Variants in ZNF142 observed in about 807,000 individuals in gnomAD.
ZNF142 encodes zinc finger protein 142 (clone pHZ-49).
Under a neutral mutation model 132.1 loss-of-function variants are expected in ZNF142, and 96 were observed. That is an observed-to-expected ratio of 0.73 (90% confidence interval 0.62 to 0.86). The LOEUF is 0.86. Ranked by LOEUF, ZNF142 falls within the 40% of genes least tolerant of loss-of-function variation. The pLI, the probability that ZNF142 is intolerant of heterozygous loss-of-function variation, is 0.00. For missense variants in ZNF142, 2,163 were observed against 2,336.2 expected, an observed-to-expected ratio of 0.93 and a Z score of 1.53; for synonymous variants, 842 against 890.1, an observed-to-expected ratio of 0.95 and a Z score of 0.96.
intron 3 of ZNF142, among the ~76,000 whole-genome samples, chr2:218,657,083 G>T (rs1191952691): frequency 6.6e-6 from 1 of 152,132 alleles, no homozygotes; most frequent in Non-Finnish European, 1.5e-5. Flanking sequence ...CTCCCAAAGT[G>T]CTGGGATTAT....
intron 3 of ZNF142, 86 bp from the exon 4 acceptor site, chr2:218,656,549 AC>A: frequency 2.0e-6 from 2 of 986,216 alleles, no homozygotes; most frequent in Non-Finnish European, 2.7e-6. Flanking sequence ...CCCAGTGCCC[AC>A]CCACTTAGGC....
In ZNF142 at chr2:218,649,036, T is replaced by C; in HGVS notation, c.1472A>G (p.Glu491Gly). The C allele has an allele frequency of 6.2e-7, 1 of 1,613,260 alleles. No homozygotes were observed. Among genetic ancestry groups the C allele is most frequent in the South Asian group, 1.1e-5 (1 of 91,090 alleles). ...GTCGGGTGCTGCATAGCTGCAGCCC[T>C]CCTGAAAGCAGCGAAGGGGTAATGG... is the stretch of plus-strand genomic sequence containing the variant. ...AEPLPLRCFQ[E>G]GCSYAAPDRK... Residue 491 changes from glutamate (E) to glycine (G), a missense_variant, in exon 7 of 11, where the codon GAG (glutamate) becomes GGG (glycine). Transcript: ENST00000411696.
Position 218,643,819 on chromosome 2 carries a change from C to G in ZNF142, c.3297G>C (p.Leu1099Phe). 1.2e-6 allele frequency: 2 copies of G among 1,612,776 alleles called. No homozygotes were observed. Among genetic ancestry groups the G allele is most frequent in the Non-Finnish European group, 1.7e-6 (2 of 1,179,190 alleles). Residue 1099 changes from leucine to phenylalanine, a missense_variant, in exon 9 of 11, where the codon TTG becomes TTC. This residue lies in a region of ZNF142 where 809 missense variants were observed against 801.7 expected (regional missense o/e 1.01). Transcript: ENST00000411696. ...CPVLLRKNKG[L>F]PRPDSPIPLQ... ...GAGGGATGGGTGAATCTGGTCTGGG[C>G]AAGCCCTTGTTCTTTCTGAGTAGAA... is the stretch of plus-strand genomic sequence containing the variant.
Position 218,633,965 on chromosome 2 carries a change from A to G in ZNF142, c.*4374T>C. ...GGCAGGAAAGCTGGTCTGGATGGAC[A>G]GAGTAGAGAGGCACAGTGAAACTTT... On this transcript the variant is annotated 3_prime_UTR_variant, in exon 11 of 11. Coordinates refer to ENST00000411696, the MANE Select transcript of ZNF142 (RefSeq NM_001379659.1). The G allele has an allele frequency of 3.1e-6, 4 of 1,271,584 alleles. No homozygotes were observed. The highest frequency in any genetic ancestry group is 4.4e-6 in the Non-Finnish European group (4 of 919,034). The allele number at this position is 1,271,584 out of a possible 1,614,324, so 78.8% of individuals were successfully genotyped here.
chr2:218,656,578 T>C (rs1938526855), intron 3 of ZNF142, 115 bp from the exon 4 acceptor site: 1 of 562,438 alleles, frequency 1.8e-6, no homozygotes, highest in Non-Finnish European at 2.8e-6. Flanking sequence ...TGCATGGCAA[T>C]ATGCCATATA....
rs899573380 is a variant in ZNF142, at chr2:218,643,264, T to C, written c.3852A>G (p.Thr1284=). Residue 1284 remains threonine (T), a synonymous_variant, in exon 9 of 11, where the codon ACA becomes ACG. Coordinates refer to ENST00000411696, the MANE Select transcript of ZNF142 (RefSeq NM_001379659.1). ...GDSAPPKNGS[T]ESSSGDGDTV... ...TATCCCCATCACCAGAGCTGGACTCTGTACTCCCATTCTTCGGGGGAGCAG... is the reference window on the plus strand; with the variant it reads ...TATCCCCATCACCAGAGCTGGACTCCGTACTCCCATTCTTCGGGGGAGCAG... 4 of 1,614,118 alleles carry C rather than the reference T, an allele frequency of 2.5e-6. No homozygotes were observed. The highest frequency in any genetic ancestry group is 3.4e-6 in the Non-Finnish European group (4 of 1,180,052).
Position 218,633,422 on chromosome 2 carries a change from T to C in ZNF142, c.*4917A>G. On this transcript the variant is annotated 3_prime_UTR_variant, in exon 11 of 11. Coordinates refer to ENST00000411696, the MANE Select transcript of ZNF142 (RefSeq NM_001379659.1). Reference sequence around the variant, plus strand: ...CCCGCTGTTTTGTCCGTCTATCTGTTGTCAGATTGTGGCCCAGGCTCCTAT... The same window carrying C: ...CCCGCTGTTTTGTCCGTCTATCTGTCGTCAGATTGTGGCCCAGGCTCCTAT... 1.3e-6 allele frequency: 1 copy of C among 747,362 alleles called. No individual in the cohort carries two copies. The highest frequency in any genetic ancestry group is 2.7e-5 in the East Asian group (1 of 37,482). The allele number at this position is 747,362 out of a possible 1,614,324, so 46.3% of individuals were successfully genotyped here. A position where few individuals can be genotyped will look rare whatever the true frequency, so the allele number is the denominator to read the frequency against.
rs1320502836 is a variant in ZNF142 at position 218,649,245 on chromosome 2, G to C, written c.1263C>G (p.Cys421Trp). ...CCACCGCACTGTAGTGGCACAGTGG[G>C]CAGTGGTGGGCCTTTTCACCCAGCT... The part of the protein sequence containing the change: ...LRELGEKAHH[C>W]PLCHYSAVER... The change falls in exon 7 of 11, where the codon TGC (cysteine) becomes TGG (tryptophan). Residue 421 changes from cysteine (C) to tryptophan (W), a missense_variant. Transcript: ENST00000411696. 6.2e-7 allele frequency: 1 copy of C among 1,614,238 alleles called. No homozygotes were observed. Among genetic ancestry groups the C allele is most frequent in the Non-Finnish European group, 8.5e-7 (1 of 1,180,034 alleles).
Position 218,649,059 on chromosome 2 carries a change from T to C in ZNF142, c.1449A>G (p.Pro483=), listed in dbSNP as rs4674322. 369,350 of 1,613,548 alleles carry C rather than the reference T, an allele frequency of 0.23. 47,347 individuals are homozygous for C. Among genetic ancestry groups the C allele is most frequent in the Non-Finnish European group, 0.26 (311,967 of 1,179,978 alleles). ...CCTCCTGAAAGCAGCGAAGGGGTAA[T>C]GGCTCTGCTGCGGCTGCTGCCGTGT... ...KSHTAAAAAE[P]LPLRCFQEGC... is the part of the protein sequence containing the mutation. Residue 483 remains proline (P), a synonymous_variant, in exon 7 of 11, where the codon CCA becomes CCG. Transcript: ENST00000411696.
In ZNF142 at chr2:218,633,399, C is replaced by T. The variant is rs186247112; in HGVS notation, c.*4940G>A. 6.4e-3 allele frequency: 4,565 copies of T among 716,992 alleles called. 16 individuals are homozygous for T. The highest frequency in any genetic ancestry group is 0.01 in the Middle Eastern group (45 of 4,410). The allele number at this position is 716,992 out of a possible 1,614,324, so 44.4% of individuals were successfully genotyped here. A position where few individuals can be genotyped will look rare whatever the true frequency, so the allele number is the denominator to read the frequency against. The stretch of plus-strand genomic sequence containing the variant: ...TCCCACCCCCAGGTTGTGACGTGCC[C>T]GCTGTTTTGTCCGTCTATCTGTTGT... On this transcript the variant is annotated 3_prime_UTR_variant, in exon 11 of 11. Transcript: ENST00000411696.
rs745931090 is a variant in ZNF142 at position 218,642,572 on chromosome 2, G to T, written c.4544C>A (p.Pro1515His). The T allele has an allele frequency of 6.2e-7, 1 of 1,613,494 alleles. No homozygotes were observed. The highest frequency in any genetic ancestry group is 1.3e-5 in the African/African-American group (1 of 75,036). ...GGTCTCTGCAGGAGAGCCAGGGGCA[G>T]GCTGTGCAGGCTCGGGGTGTCGGCG... ...ALRRHPEPAQ[P>H]APGSPAETTE... The change falls in exon 9 of 11, where the codon CCT becomes CAT. Residue 1515 changes from proline to histidine, a missense_variant. This residue lies in a region of ZNF142 where 809 missense variants were observed against 801.7 expected (regional missense o/e 1.01). Transcript: ENST00000411696. This position sits in a 1 kb window ranked among gnomAD's most constrained non-coding sequence, Gnocchi z 4.6.
rs1696808958 is a variant in ZNF142 at position 218,637,086 on chromosome 2, G to A, written c.*1253C>T. On this transcript the variant is annotated 3_prime_UTR_variant, in exon 11 of 11. Coordinates refer to ENST00000411696, the MANE Select transcript of ZNF142 (RefSeq NM_001379659.1). Reference sequence around the variant, plus strand: ...AGACTTGACCCCAGGACTGTACTACGACTCTTAAGAGAACACTGCACAGCA... The same window carrying A: ...AGACTTGACCCCAGGACTGTACTACAACTCTTAAGAGAACACTGCACAGCA... 5.5e-6 allele frequency: 2 copies of A among 366,686 alleles called. No individual in the cohort carries two copies. Among genetic ancestry groups the A allele is most frequent in the South Asian group, 2.1e-5 (1 of 47,342 alleles). 22.7% of individuals were successfully genotyped at this position (366,686 alleles called of 1,614,324 possible).
chr2:218,651,850 C>A lies in ZNF142; in HGVS notation c.731G>T (p.Arg244Leu). Residue 244 changes from arginine to leucine, a missense_variant, in exon 5 of 11, where the codon CGG (arginine) becomes CTG (leucine). Coordinates refer to ENST00000411696, the MANE Select transcript of ZNF142 (RefSeq NM_001379659.1). ...FGSQQGMELH[R>L]QAHYPFHCSH... ...GCAGTGGAAAGGGTAATGCGCCTGCCGGTGCAGCTCCATGCCCTGCTGGCT... is the reference window on the plus strand; with the variant it reads ...GCAGTGGAAAGGGTAATGCGCCTGCAGGTGCAGCTCCATGCCCTGCTGGCT... The A allele has an allele frequency of 7.8e-7, 1 of 1,289,900 alleles. No individual in the cohort carries two copies. The highest frequency in any genetic ancestry group is 1.0e-6 in the Non-Finnish European group (1 of 988,894). The allele number at this position is 1,289,900 out of a possible 1,614,324, so 79.9% of individuals were successfully genotyped here. A position where few individuals can be genotyped will look rare whatever the true frequency, so the allele number is the denominator to read the frequency against.
At chr2:218,658,268 G>A (rs1938783992) in intron 3 of ZNF142, among the ~76,000 whole-genome samples, 1 of 152,290 alleles carries the variant, frequency 6.6e-6, no homozygotes, top group African/African-American at 2.4e-5. Context: ...GGCCGGGCGC[G>A]GTGGCTCAGG....
Position 218,643,785 on chromosome 2 carries a change from C to A in ZNF142, c.3331G>T (p.Val1111Leu). 6.2e-7 allele frequency: 1 copy of A among 1,611,186 alleles called. No individual in the cohort carries two copies. Among genetic ancestry groups the A allele is most frequent in the Non-Finnish European group, 8.5e-7 (1 of 1,178,472 alleles). The change falls in exon 9 of 11, where the codon GTG (valine) becomes TTG (leucine). Residue 1111 changes from valine (V) to leucine (L), a missense_variant. Physicochemically the swap from Val to Leu is conservative, Grantham distance 32. Around this residue, in one of 7 missense-constraint regions of ZNF142, gnomAD observed 809 missense variants for 801.7 expected, o/e 1.01. Transcript: ENST00000411696. ...TCTGAGGCCTGGGTACCTGGGAGCA[C>A]AGGTTGCAGAGGGATGGGTGAATCT... Reference protein sequence around the residue: ...RPDSPIPLQPVLPGTQASEDT... With the variant: ...RPDSPIPLQPLLPGTQASEDT...
At position 218,636,910 on chromosome 2, in the gene ZNF142, T is replaced by C. The variant is rs921137575; in HGVS notation, c.*1429A>G. ...ACTAATCTTTCCCATCAACTCTGTG[T>C]GAAGGCAGGTTGCAACTAGAAATTC... On this transcript the variant is annotated 3_prime_UTR_variant, in exon 11 of 11. Coordinates refer to ENST00000411696, the MANE Select transcript of ZNF142 (RefSeq NM_001379659.1). The C allele has an allele frequency of 2.1e-6, 1 of 467,800 alleles. No individual in the cohort carries two copies. The highest frequency in any genetic ancestry group is 6.7e-5 in the East Asian group (1 of 15,026). 29.0% of individuals were successfully genotyped at this position (467,800 alleles called of 1,614,324 possible).
rs1464787533 is a variant in ZNF142 at position 218,643,391 on chromosome 2, G to A, written c.3725C>T (p.Thr1242Ile). 6.2e-7 allele frequency: 1 copy of A among 1,614,206 alleles called. No individual in the cohort carries two copies. Reference sequence around the variant, plus strand: ...CCTGCAGCCTTCAGCCACGTGAGAGGTAATAGAGGAGAGCCGGGAACAAAG... The same window carrying A: ...CCTGCAGCCTTCAGCCACGTGAGAGATAATAGAGGAGAGCCGGGAACAAAG... ...PFLCSRLSSI[T>I]SHVAEGCRGG... Residue 1242 changes from threonine (T) to isoleucine (I), a missense_variant, in exon 9 of 11, where the codon ACC becomes ATC. By Grantham distance (89) the Thr-to-Ile change is moderately conservative. This residue lies in a region of ZNF142 where 809 missense variants were observed against 801.7 expected (regional missense o/e 1.01). Coordinates refer to ENST00000411696, the MANE Select transcript of ZNF142 (RefSeq NM_001379659.1).
intron 6 of ZNF142, 148 bp from the exon 7 acceptor site, chr2:218,649,607 A>G (rs1219125777): frequency 1.3e-6 from 1 of 790,218 alleles, no homozygotes; most frequent in Non-Finnish European, 1.9e-6. Context: ...TGTAGTCTCA[A>G]AAAAGGGTGA....
chr2:218,652,173 G>A lies in ZNF142; in HGVS notation c.408C>T (p.Ser136=), dbSNP rs1376217787. 1 of 455,096 alleles carries A rather than the reference G, an allele frequency of 2.2e-6. No homozygotes were observed. The allele number at this position is 455,096 out of a possible 1,614,324, so 28.2% of individuals were successfully genotyped here. The change falls in exon 5 of 11, where the codon AGC becomes AGT. Residue 136 remains serine (S), a synonymous_variant. Transcript: ENST00000411696. ...THIQPVQGLS[S]PPCSVELPPS... is the part of the protein sequence containing the mutation. ...GAGGCAGCTCTACAGAGCATGGGGG[G>A]CTAGAGAGGCCCTGCACAGGCTGTA...
Sources: allele counts gnomAD v4.1 joint callset (sites outside exome capture counted in the v4.1 genomes callset), GRCh38; gene constraint gnomAD v4.1.1; regional missense constraint gnomAD v4.1.1; non-coding constraint Gnocchi (gnomAD v3.1); transcripts MANE v1.5; gene names NCBI Gene and HGNC (gene_info 2026-07-23, HGNC 2026-07-21).